RP1: variants seen among roughly 807,000 people sequenced by gnomAD.
RP1 encodes RP1 axonemal microtubule associated.
A neutral mutation model predicts 14.8 loss-of-function variants in RP1; 16 were observed. That is an observed-to-expected ratio of 1.08 (90% CI 0.73 to 1.65). RP1 has a LOEUF of 1.65. Ranked by LOEUF, RP1 falls within the 40% of genes most tolerant of loss-of-function variation. RP1 has a pLI of 0.00. For missense variants in RP1, 2,631 were observed against 2,535.0 expected (o/e 1.04, Z -0.81); for synonymous variants, 876 against 883.6 (o/e 0.99, Z 0.15).
intron 12 of RP1, among the ~76,000 whole-genome samples, chr8:54,694,327 G>A (rs1175009819): frequency 1.3e-5 from 2 of 152,144 alleles, no homozygotes; most frequent in African/African-American, 2.4e-5. Context: ...GATGATGCTG[G>A]CCTCATAAAA....
chr8:54,673,411 T>G (rs2129333084), intron 7 of RP1, among the ~76,000 whole-genome samples: 1 of 152,342 alleles, frequency 6.6e-6, no homozygotes, highest in Non-Finnish European at 1.5e-5. Context: ...GGAGCACAAC[T>G]ATGTCTCCTT....
chr8:54,621,398 C>T lies in RP1; in HGVS notation c.432C>T (p.Val144=), dbSNP rs777144010. 1 of 1,613,114 alleles carries T rather than the reference C, an allele frequency of 6.2e-7. No homozygotes were observed. Residue 144 remains valine, a synonymous_variant, in exon 2 of 4, where the codon GTC becomes GTT. Transcript: ENST00000220676. ...ACTCACCGCCCCACCCCGTAGCCGT[C>T]GCTGCTCCCGGCATGCCCCGCCCCC... ...SAHSPPHPVA[V]AAPGMPRPPR... is the part of the protein sequence containing the mutation.
intron 19 of RP1, chr8:54,754,742 T>C: frequency 6.9e-7 from 1 of 1,441,120 alleles, no homozygotes; most frequent in Non-Finnish European, 9.1e-7. Flanking sequence ...GCATTGTGAA[T>C]TCCAAGTTCT....
chr8:54,730,597 T>G (rs1179018706), intron 17 of RP1, among the ~76,000 whole-genome samples: 1 of 152,162 alleles, frequency 6.6e-6, no homozygotes, highest in Non-Finnish European at 1.5e-5. Context: ...TAGGATATTT[T>G]ATTCATAATA....
intron 26 of RP1, among the ~76,000 whole-genome samples, chr8:54,854,364 A>G (rs1347475223): frequency 6.6e-6 from 1 of 152,234 alleles, no homozygotes; most frequent in Non-Finnish European, 1.5e-5. Context: ...AATGTGCAGC[A>G]TCAGAGAAAG....
intron 1 of RP1, among the ~76,000 whole-genome samples, chr8:54,582,741 A>C (rs1402147997): frequency 2.0e-5 from 3 of 152,056 alleles, no homozygotes; most frequent in African/African-American, 4.8e-5. Context: ...TTGGATTCCT[A>C]GGTATTTTAT....
chr8:54,610,557 A>G (rs977967999), intron 1 of RP1, among the ~76,000 whole-genome samples: 2 of 152,184 alleles, frequency 1.3e-5, no homozygotes, highest in African/African-American at 4.8e-5. Context: ...GATGTCTAAT[A>G]TGCTTTTCAA....
At chr8:54,740,960 C>T (rs977589859) in intron 19 of RP1, among the ~76,000 whole-genome samples, 1 of 151,518 alleles carries the variant, frequency 6.6e-6, no homozygotes, top group Non-Finnish European at 1.5e-5. Context: ...CGCTTGAACC[C>T]CAGAGGCAGA....
downstream of RP1, among the ~76,000 whole-genome samples, chr8:54,771,844 G>A (rs779677260): frequency 2.1e-4 from 32 of 152,056 alleles, no homozygotes; most frequent in Middle Eastern, 3.2e-3. Context: ...ATCTATTGAG[G>A]CAGTGTTACA....
chr8:54,785,648 C>A (rs1388239700), intron 24 of RP1, among the ~76,000 whole-genome samples: 3 of 152,024 alleles, frequency 2.0e-5, no homozygotes. Flanking sequence ...ACACTTCTAC[C>A]AGCAATGTAC....
chr8:54,658,443 T>C (rs988102767), intron 6 of RP1, among the ~76,000 whole-genome samples: 1 of 141,886 alleles, frequency 7.0e-6, no homozygotes, highest in African/African-American at 2.6e-5. Context: ...CCCAGCTACT[T>C]GGGAGGCTGA....
intron 12 of RP1, among the ~76,000 whole-genome samples, chr8:54,687,169 G>C (rs1807584733): frequency 6.6e-6 from 1 of 152,052 alleles, no homozygotes; most frequent in Non-Finnish European, 1.5e-5. Context: ...AAAAGCAGTG[G>C]TTTGAAGAAA....
chr8:54,857,178 G>A, intron 27 of RP1: 1 of 492,634 alleles, frequency 2.0e-6, no homozygotes, highest in Non-Finnish European at 3.1e-6. Flanking sequence ...GCAGGTGAAA[G>A]AACAGGAAAA....
At chr8:54,858,262 G>T in intron 27 of RP1, among the ~76,000 whole-genome samples, 1 of 152,198 alleles carries the variant, frequency 6.6e-6, no homozygotes, top group East Asian at 1.9e-4. Context: ...AGTTCAACGA[G>T]TTCAGGATCG....
At chr8:54,847,622 G>T (rs1379713717) in intron 25 of RP1, among the ~76,000 whole-genome samples, 1 of 152,238 alleles carries the variant, frequency 6.6e-6, no homozygotes, top group African/African-American at 2.4e-5. Flanking sequence ...GCTGCTGACT[G>T]GTGAACTGTA....
intron 23 of RP1, among the ~76,000 whole-genome samples, chr8:54,777,213 T>A (rs1040768778): frequency 6.6e-6 from 1 of 152,222 alleles, no homozygotes; most frequent in African/African-American, 2.4e-5. Flanking sequence ...TTAAACTGTA[T>A]GTTTCACTTG....
Position 54,684,197 on chromosome 8 carries a change from TG to T in RP1, c.1717+4265del, listed in dbSNP as rs1807500985. ...GTGATGGATAAGCTTTTTGATGTGC[TG>T]TTGTATCTGTTTGCCAGGATTTTAT... On this transcript the variant is annotated intron_variant, in intron 12 of 22. Transcript: ENST00000636932. 2.6e-5 allele frequency among the ~76,000 whole-genome samples: 4 copies of T among 152,272 alleles called. No homozygotes were observed. The South Asian group carries it at 8.3e-4, about 32-fold the overall frequency.
At chr8:54,777,482 G>A (rs186952612) in intron 23 of RP1, among the ~76,000 whole-genome samples, 1 of 152,176 alleles carries the variant, frequency 6.6e-6, no homozygotes, top group Non-Finnish European at 1.5e-5. Flanking sequence ...TTGAGCACTG[G>A]TCGAAACCAT....
intron 24 of RP1, among the ~76,000 whole-genome samples, chr8:54,783,886 G>T (rs531343588): frequency 6.6e-6 from 1 of 152,262 alleles, no homozygotes; most frequent in Non-Finnish European, 1.5e-5. Flanking sequence ...TAACAACAGG[G>T]ACGTAGGATT....
Sources: allele counts gnomAD v4.1 joint callset (sites outside exome capture counted in the v4.1 genomes callset), GRCh38; gene constraint gnomAD v4.1.1; transcripts MANE v1.5; gene names NCBI Gene and HGNC (gene_info 2026-07-23, HGNC 2026-07-21).